SLC39A11: variants seen among roughly 807,000 people sequenced by gnomAD.
The protein encoded by SLC39A11 is zinc transporter ZIP11.
In SLC39A11, 33 loss-of-function variants were observed where a neutral mutation model predicts 36.1. The ratio of observed to expected loss-of-function variants is 0.91; its 90% CI spans 0.69 to 1.22. The LOEUF (loss-of-function observed/expected upper bound fraction) is 1.22, where lower values mean the gene tolerates loss of function less well. SLC39A11 is among the 50% of genes most tolerant of loss of function. The pLI is 0.00. For synonymous variants in SLC39A11, 166 were observed against 170.3 expected, an observed-to-expected ratio of 0.97 and a Z score of 0.20; for missense variants, 432 against 430.3, an observed-to-expected ratio of 1.00 and a Z score of -0.03.
At position 72,754,020 on chromosome 17, in the gene SLC39A11, GTATATATA is replaced by G. The variant is rs58028460; in HGVS notation, c.602-17309_602-17302del. On this transcript the variant is annotated intron_variant, in intron 6 of 9. Transcript: ENST00000255559. ...TAAAGAAACTGTGATATGTATATAT[GTATATATA>G]TATATATATATATATATACACATAC... 5.6e-3 allele frequency among the ~76,000 whole-genome samples: 610 copies of G among 108,246 alleles called. 2 individuals carry two copies. The highest frequency in any genetic ancestry group is 0.025 in the South Asian group (84 of 3,408). 71.0% of individuals were successfully genotyped at this position (108,246 alleles called of 152,430 possible).
chr17:72,808,419 G>A (rs1348912023), intron 6 of SLC39A11, among the ~76,000 whole-genome samples: 1 of 152,210 alleles, frequency 6.6e-6, no homozygotes, highest in East Asian at 1.9e-4. Flanking sequence ...TTAAAGCAAG[G>A]ATGATAATAG....
At chr17:72,906,749 A>T (rs1306275541) in intron 5 of SLC39A11, among the ~76,000 whole-genome samples, 1 of 152,174 alleles carries the variant, frequency 6.6e-6, no homozygotes, top group Admixed American at 6.5e-5. Context: ...ATCAAAATAC[A>T]CTTAGGTTTC....
At chr17:72,668,263 G>A (rs2070845893) in intron 7 of SLC39A11, among the ~76,000 whole-genome samples, 1 of 151,498 alleles carries the variant, frequency 6.6e-6, no homozygotes, top group African/African-American at 2.4e-5. Flanking sequence ...CACATACCTG[G>A]TGGGCTTTTC....
intron 5 of SLC39A11, among the ~76,000 whole-genome samples, chr17:72,870,294 G>C (rs1200241180): frequency 7.0e-6 from 1 of 143,800 alleles, no homozygotes; most frequent in African/African-American, 2.6e-5. Context: ...ACAAGCAGAG[G>C]CCCAGATTAT....
intron 4 of SLC39A11, among the ~76,000 whole-genome samples, chr17:72,989,478 C>G (rs903724587): frequency 6.6e-6 from 1 of 152,144 alleles, no homozygotes; most frequent in Non-Finnish European, 1.5e-5. Context: ...TTATACTATC[C>G]CAGGATATGT....
intron 6 of SLC39A11, among the ~76,000 whole-genome samples, chr17:72,848,458 G>A (rs1403678693): frequency 6.6e-6 from 1 of 152,090 alleles, no homozygotes; most frequent in Non-Finnish European, 1.5e-5. Flanking sequence ...GGTAGCTCAC[G>A]CCTGTAGTCC....
At chr17:72,722,318 T>A (rs748695657) in intron 7 of SLC39A11, among the ~76,000 whole-genome samples, 13 of 152,266 alleles carry the variant, frequency 8.5e-5, no homozygotes, top group Non-Finnish European at 1.8e-4. Flanking sequence ...ATTTTAAAAA[T>A]ACACCGTCCA....
intron 2 of SLC39A11, among the ~76,000 whole-genome samples, chr17:73,085,618 G>T: frequency 7.2e-6 from 1 of 139,214 alleles, no homozygotes; most frequent in East Asian, 2.1e-4. Flanking sequence ...CTCTAGCCTA[G>T]GCAACAAGAG....
intron 7 of SLC39A11, among the ~76,000 whole-genome samples, chr17:72,707,785 T>C (rs1199242210): frequency 6.6e-6 from 1 of 152,164 alleles, no homozygotes; most frequent in Non-Finnish European, 1.5e-5. Flanking sequence ...CGGCATGGAA[T>C]AATAATTGCC....
At chr17:72,733,892 C>T (rs1421406642) in intron 7 of SLC39A11, among the ~76,000 whole-genome samples, 1 of 152,130 alleles carries the variant, frequency 6.6e-6, no homozygotes, top group Non-Finnish European at 1.5e-5. Context: ...GGACTCTACA[C>T]ACAAGCACAG....
At chr17:72,924,753 C>T (rs1415013410) in intron 5 of SLC39A11, among the ~76,000 whole-genome samples, 1 of 152,096 alleles carries the variant, frequency 6.6e-6, no homozygotes, top group African/African-American at 2.4e-5. Context: ...CCTGTAATCC[C>T]AGCACCTTGG....
intron 5 of SLC39A11, among the ~76,000 whole-genome samples, chr17:72,923,592 A>T (rs2147295981): frequency 6.6e-6 from 1 of 152,314 alleles, no homozygotes; most frequent in South Asian, 2.1e-4. Flanking sequence ...ATTTAGTAAA[A>T]CTGCCCCTGT....
At chr17:72,973,320 G>GC (rs2087593199) in intron 4 of SLC39A11, among the ~76,000 whole-genome samples, 2 of 151,474 alleles carry the variant, frequency 1.3e-5, no homozygotes, top group South Asian at 4.2e-4. Context: ...CACTGCCGGG[G>GC]GGGCACCAGG....
intron 7 of SLC39A11, among the ~76,000 whole-genome samples, chr17:72,660,119 T>C (rs1039867859): frequency 2.7e-4 from 41 of 152,116 alleles, no homozygotes; most frequent in African/African-American, 9.4e-4. Flanking sequence ...CAAACCTCAA[T>C]GTCTCAGGCC....
intron 6 of SLC39A11, among the ~76,000 whole-genome samples, chr17:72,809,765 G>T (rs2077376355): frequency 6.6e-6 from 1 of 152,138 alleles, no homozygotes; most frequent in African/African-American, 2.4e-5. Context: ...TTGTTTGTTT[G>T]TTTGTTTAAT....
chr17:72,958,371 G>C (rs1354268026), intron 4 of SLC39A11, among the ~76,000 whole-genome samples: 1 of 152,204 alleles, frequency 6.6e-6, no homozygotes, highest in Non-Finnish European at 1.5e-5. Flanking sequence ...GGGACTTAAA[G>C]AGCTTTTGCA....
chr17:72,655,819 G>A (rs2070088288), intron 7 of SLC39A11, among the ~76,000 whole-genome samples: 1 of 152,158 alleles, frequency 6.6e-6, no homozygotes, highest in African/African-American at 2.4e-5. Flanking sequence ...AGAGAATATT[G>A]AGGACCCCGT....
intron 7 of SLC39A11, among the ~76,000 whole-genome samples, chr17:72,698,428 A>G (rs543364776): frequency 4.2e-5 from 6 of 142,482 alleles, no homozygotes; most frequent in Admixed American, 2.9e-4. Flanking sequence ...TCCTATTTTT[A>G]TGTATATTTA....
chr17:72,788,807 T>C (rs1408477999), intron 6 of SLC39A11, among the ~76,000 whole-genome samples: 1 of 152,144 alleles, frequency 6.6e-6, no homozygotes, highest in Non-Finnish European at 1.5e-5. Flanking sequence ...TCAGATGCTG[T>C]GTATTAAGAC....
Sources: gnomAD v4.1 joint callset for allele counts (sites outside exome capture counted in the v4.1 genomes callset) on GRCh38, gnomAD v4.1.1 for gene constraint, MANE v1.5 for transcripts, NCBI Gene and HGNC (gene_info 2026-07-23, HGNC 2026-07-21) for gene names.